Variants in LMNTD1 observed in about 807,000 individuals in gnomAD.
LMNTD1 encodes lamin tail domain containing 1.
LMNTD1 carries 35 observed loss-of-function variants against 50.9 expected under a neutral mutation model. That is an observed-to-expected ratio of 0.69 (90% confidence interval 0.53 to 0.91). The LOEUF (loss-of-function observed/expected upper bound fraction) is 0.91. LMNTD1 is among the 40% of genes least tolerant of loss of function. The pLI is 0.00. For synonymous variants in LMNTD1, 153 were observed against 161.9 expected (o/e 0.94, Z 0.42); for missense variants, 470 against 475.5 (o/e 0.99, Z 0.11).
At chr12:25,498,724 T>C (rs1939209794) in intron 9 of LMNTD1, among the ~76,000 whole-genome samples, 1 of 152,224 alleles carries the variant, frequency 6.6e-6, no homozygotes, top group Non-Finnish European at 1.5e-5. Context: ...TCTAGCTTTT[T>C]CTTTCAGAAA....
At position 25,476,450 on chromosome 12, in the gene LMNTD1, G is replaced by C. The variant is rs1381736440; in HGVS notation, c.*33C>G. 1 of 152,156 alleles carries C rather than the reference G, an allele frequency of 6.6e-6. No individual in the cohort carries two copies. The highest frequency in any genetic ancestry group is 1.5e-5 in the Non-Finnish European group (1 of 68,026). 9.4% of individuals were successfully genotyped at this position (152,156 alleles called of 1,614,324 possible). ...GCTTTTCTAGTAGCTGGTTGAGGGT[G>C]GACTAGATTACTAGTAATTATACAA... On this transcript the variant is annotated 3_prime_UTR_variant, in exon 10 of 10. Coordinates refer to ENST00000458174, the MANE Select transcript of LMNTD1 (RefSeq NM_001145728.2).
At chr12:25,644,766 G>A (rs1312977461) in intron 1 of LMNTD1, among the ~76,000 whole-genome samples, 2 of 152,110 alleles carry the variant, frequency 1.3e-5, no homozygotes, top group East Asian at 3.8e-4. Context: ...GAAAGGTGAG[G>A]GTGGGTAGGA....
chr12:25,492,706 T>G (rs1938926966), intron 9 of LMNTD1, among the ~76,000 whole-genome samples: 1 of 152,204 alleles, frequency 6.6e-6, no homozygotes, highest in African/African-American at 2.4e-5. Flanking sequence ...ATTGAAAAGG[T>G]TGAGGTTTCT....
chr12:25,624,768 T>A (rs551884188), intron 1 of LMNTD1, among the ~76,000 whole-genome samples: 37 of 152,370 alleles, frequency 2.4e-4, no homozygotes, highest in African/African-American at 8.4e-4. Context: ...TAGCTTAGGA[T>A]TAATTACATT....
At chr12:25,575,278 T>G (rs2136380655) in intron 1 of LMNTD1, among the ~76,000 whole-genome samples, 1 of 152,216 alleles carries the variant, frequency 6.6e-6, no homozygotes, top group East Asian at 1.9e-4. Flanking sequence ...TCCTCTGAGA[T>G]TTTGAACCTC....
At chr12:25,574,447 C>G (rs1417333971) in intron 1 of LMNTD1, among the ~76,000 whole-genome samples, 2 of 152,082 alleles carry the variant, frequency 1.3e-5, no homozygotes, top group Non-Finnish European at 2.9e-5. Flanking sequence ...GTTTTCAAAG[C>G]CAGTTTTCTA....
chr12:25,529,289 T>A (rs1488688030), intron 4 of LMNTD1, among the ~76,000 whole-genome samples: 1 of 152,192 alleles, frequency 6.6e-6, no homozygotes, highest in African/African-American at 2.4e-5. Context: ...GGTGATGTTA[T>A]CCATGAACAG....
intron 4 of LMNTD1, among the ~76,000 whole-genome samples, chr12:25,537,123 A>T (rs1591948216): frequency 6.6e-6 from 1 of 152,310 alleles, no homozygotes; most frequent in East Asian, 1.9e-4. Flanking sequence ...GTGAGATCAA[A>T]CTGCAAGGCA....
intron 1 of LMNTD1, among the ~76,000 whole-genome samples, chr12:25,628,064 C>T (rs998868960): frequency 1.8e-4 from 23 of 125,006 alleles, no homozygotes; most frequent in African/African-American, 3.4e-4. Flanking sequence ...GTCGAGATCG[C>T]GCCACTGCAC....
intron 1 of LMNTD1, among the ~76,000 whole-genome samples, chr12:25,616,013 A>G (rs140304862): frequency 8.0e-4 from 121 of 152,170 alleles, no homozygotes; most frequent in Middle Eastern, 3.4e-3. Flanking sequence ...TGGTGAACCA[A>G]TTAAGTTCCT....
chr12:25,476,503 A>T (rs1301448411), intron 9 of LMNTD1, 43 bp from the exon 10 acceptor site: 1 of 152,340 alleles, frequency 6.6e-6, no homozygotes, highest in South Asian at 2.1e-4. Flanking sequence ...ATTGAGCTCT[A>T]TGTGTCAGAC....
At chr12:25,576,575 G>A (rs1945029008) in intron 1 of LMNTD1, among the ~76,000 whole-genome samples, 1 of 152,076 alleles carries the variant, frequency 6.6e-6, no homozygotes, top group Non-Finnish European at 1.5e-5. Flanking sequence ...TAAGTTCTTT[G>A]TAGATTCTGG....
rs770862794 is a variant in LMNTD1 at position 25,549,496 on chromosome 12, A to G, written c.140T>C (p.Met47Thr). 1.2e-6 allele frequency: 2 copies of G among 1,613,178 alleles called. No individual in the cohort carries two copies. The highest frequency in any genetic ancestry group is 1.7e-6 in the Non-Finnish European group (2 of 1,179,362). Reference sequence around the variant, plus strand: ...CAGTGTTGTGGCAACTGAACCCAACATCTTTGGGGAAAAATGTACTAAAGA... The same window carrying G: ...CAGTGTTGTGGCAACTGAACCCAACGTCTTTGGGGAAAAATGTACTAAAGA... ...VYSLVHFSPK[M>T]LGSVATTLPL... is the part of the protein sequence containing the mutation. The change falls in exon 3 of 10, where the codon ATG becomes ACG. Residue 47 changes from methionine to threonine, a missense_variant. Coordinates refer to ENST00000458174, the MANE Select transcript of LMNTD1 (RefSeq NM_001145728.2).
chr12:25,487,992 C>T (rs11502717), intron 9 of LMNTD1, among the ~76,000 whole-genome samples: 61,566 of 145,226 alleles, frequency 0.42, 13,567 homozygotes, highest in East Asian at 0.73. Context: ...GGGTTTCTGC[C>T]GAGAGATCCA....
chr12:25,506,599 T>A (rs1457415768), intron 8 of LMNTD1, among the ~76,000 whole-genome samples: 1 of 151,834 alleles, frequency 6.6e-6, no homozygotes, highest in East Asian at 1.9e-4. Flanking sequence ...GTAGGATGAA[T>A]AATGGCAACA....
chr12:25,503,591 G>C (rs1264853589), intron 9 of LMNTD1, 147 bp downstream of exon 9: 53 of 542,062 alleles, frequency 9.8e-5, no homozygotes, highest in Non-Finnish European at 1.3e-5. Context: ...GGCTCTAAAG[G>C]CAACATAAAT....
intron 1 of LMNTD1, among the ~76,000 whole-genome samples, chr12:25,599,846 T>A (rs1018536363): frequency 2.6e-5 from 4 of 151,900 alleles, no homozygotes; most frequent in African/African-American, 9.7e-5. Flanking sequence ...ATTGGGAGAA[T>A]AAATATAGTT....
intron 9 of LMNTD1, among the ~76,000 whole-genome samples, chr12:25,495,623 T>C (rs1939035211): frequency 6.6e-6 from 1 of 152,146 alleles, no homozygotes; most frequent in South Asian, 2.1e-4. Context: ...GAAAATAAAA[T>C]GCTGCAAAAA....
intron 1 of LMNTD1, among the ~76,000 whole-genome samples, chr12:25,647,522 A>T (rs555319776): frequency 1.8e-4 from 27 of 152,338 alleles, no homozygotes; most frequent in African/African-American, 6.5e-4. Flanking sequence ...AAATGAAAAA[A>T]TAAAATTTCT....
Sources: allele counts gnomAD v4.1 joint callset (sites outside exome capture counted in the v4.1 genomes callset), GRCh38; gene constraint gnomAD v4.1.1; transcripts MANE v1.5; gene names NCBI Gene and HGNC (gene_info 2026-07-23, HGNC 2026-07-21).